KLRG2: variants seen among roughly 807,000 people sequenced by gnomAD.
KLRG2 encodes killer cell lectin like receptor G2, also known as killer cell lectin-like receptor subfamily G member 2.
In KLRG2, 39 loss-of-function variants were observed where a neutral mutation model predicts 35.4. The observed-to-expected ratio is 1.10, with a 90% confidence interval of 0.85 to 1.44. The LOEUF is 1.44. KLRG2 is among the 40% of genes most tolerant of loss of function. KLRG2 has a pLI of 0.00. For missense variants in KLRG2, 632 were observed against 570.9 expected (o/e 1.11, Z -1.09); for synonymous variants, 283 against 265.8 (o/e 1.06, Z -0.63).
chr7:139,429,567 T>C, the KLRG2 span, among the ~76,000 whole-genome samples: 2 of 151,520 alleles, frequency 1.3e-5, no homozygotes, highest in South Asian at 2.1e-4. Context: ...TAGGGAGTGG[T>C]GATGACTCTT....
At position 139,453,362 on chromosome 7, in the gene KLRG2, C is replaced by T. The variant is rs1044528619; in HGVS notation, c.*225G>A. 46 of 545,520 alleles carry T rather than the reference C, an allele frequency of 8.4e-5. No individual in the cohort carries two copies. The highest frequency in any genetic ancestry group is 1.9e-4 in the South Asian group (7 of 37,588). The allele number at this position is 545,520 out of a possible 1,614,324, so 33.8% of individuals were successfully genotyped here. A position where few individuals can be genotyped will look rare whatever the true frequency, so the allele number is the denominator to read the frequency against. On this transcript the variant is annotated 3_prime_UTR_variant, in exon 5 of 5. Transcript: ENST00000340940. ...ACCGATCATCCACAGAAGCTGGAGA[C>T]TAATATTGGCACTCAGGCCTGAGGC...
intron 3 of KLRG2, among the ~76,000 whole-genome samples, chr7:139,460,810 T>C (rs528777546): frequency 6.6e-6 from 1 of 151,738 alleles, no homozygotes; most frequent in Non-Finnish European, 1.5e-5. Flanking sequence ...AATACAAAAA[T>C]TAGCTGCATG....
the KLRG2 span, among the ~76,000 whole-genome samples, chr7:139,429,967 AC>A: frequency 7.3e-5 from 11 of 151,154 alleles, no homozygotes; most frequent in South Asian, 2.1e-4. Flanking sequence ...CGGGGGGCTG[AC>A]CCCCCCCATA....
chr7:139,480,414 A>G lies in KLRG2; in HGVS notation c.758-167T>C, dbSNP rs146071604. On this transcript the variant is annotated intron_variant, in intron 1 of 4. Coordinates refer to ENST00000340940, the MANE Select transcript of KLRG2 (RefSeq NM_198508.4). ...CACAACGTTTAAGTTCCAACTTTAT[A>G]TTCTGGAGAAAGAAGCCAGATATTC... Among the ~76,000 whole-genome samples the G allele has an allele frequency of 3.8e-4, 54 of 140,684 alleles. No homozygotes were observed. The East Asian group carries it at 0.011, about 28-fold the overall frequency. The allele number at this position is 140,684 out of a possible 152,430, so 92.3% of individuals were successfully genotyped here.
intron 3 of KLRG2, 52 bp from the exon 4 acceptor site, chr7:139,454,266 C>G (rs1380760720): frequency 2.2e-6 from 2 of 889,354 alleles, no homozygotes; most frequent in South Asian, 2.9e-5. Flanking sequence ...CGTGGCTTGC[C>G]TGGGGCGTAC....
chr7:139,436,042 C>T, the KLRG2 span, among the ~76,000 whole-genome samples: 7 of 152,036 alleles, frequency 4.6e-5, no homozygotes, highest in Non-Finnish European at 8.8e-5. Flanking sequence ...GCTGGGATTA[C>T]AGGTATGCAC....
At chr7:139,456,650 CCT>C (rs1445717096) in intron 3 of KLRG2, among the ~76,000 whole-genome samples, 6 of 152,290 alleles carry the variant, frequency 3.9e-5, no homozygotes, top group South Asian at 2.1e-4. Context: ...CTGCACCCAG[CCT>C]CTCTTTTTTA....
intron 3 of KLRG2, among the ~76,000 whole-genome samples, chr7:139,466,839 TAA>T (rs780530961): frequency 2.8e-4 from 31 of 111,584 alleles, no homozygotes; most frequent in African/African-American, 3.5e-4. Flanking sequence ...TATGACAACA[TAA>T]AAAAAAAAAA....
the KLRG2 span, among the ~76,000 whole-genome samples, chr7:139,429,970 C>G: frequency 6.6e-6 from 1 of 152,212 alleles, no homozygotes; most frequent in Non-Finnish European, 1.5e-5. Context: ...GGGGCTGACC[C>G]CCCCCATATG....
intron 3 of KLRG2, among the ~76,000 whole-genome samples, chr7:139,473,310 T>C (rs958013647): frequency 1.3e-5 from 2 of 151,616 alleles, no homozygotes; most frequent in African/African-American, 4.9e-5. Context: ...TAAAAATAAA[T>C]AAATAAAAAG....
downstream of KLRG2, among the ~76,000 whole-genome samples, chr7:139,450,587 G>C (rs1796364185): frequency 6.6e-6 from 1 of 152,246 alleles, no homozygotes; most frequent in South Asian, 2.1e-4. Flanking sequence ...TTTTTAAATT[G>C]TTTGATATTT....
At chr7:139,479,493 G>A (rs1325221636) in intron 3 of KLRG2, 134 bp downstream of exon 3, 1 of 889,990 alleles carries the variant, frequency 1.1e-6, no homozygotes, top group Admixed American at 2.3e-5. Context: ...CGAAGTTATG[G>A]TCATGCTACT....
intron 1 of KLRG2, among the ~76,000 whole-genome samples, chr7:139,480,570 T>C (rs1231110963): frequency 1.4e-5 from 2 of 140,086 alleles, no homozygotes; most frequent in Non-Finnish European, 1.5e-5. Flanking sequence ...CTCAACCTCC[T>C]GAGTAGCTGG....
intron 3 of KLRG2, among the ~76,000 whole-genome samples, chr7:139,475,899 G>A (rs574047962): frequency 1.3e-5 from 2 of 151,396 alleles, no homozygotes; most frequent in South Asian, 4.2e-4. Context: ...AACAGCATCA[G>A]AATTGAATTA....
At chr7:139,479,116 T>C (rs1796908452) in intron 3 of KLRG2, among the ~76,000 whole-genome samples, 1 of 152,162 alleles carries the variant, frequency 6.6e-6, no homozygotes, top group South Asian at 2.1e-4. Context: ...GGAGCCTTGC[T>C]CTGTTGCCCA....
the KLRG2 span, among the ~76,000 whole-genome samples, chr7:139,438,115 G>A: frequency 6.6e-6 from 1 of 152,346 alleles, no homozygotes; most frequent in East Asian, 1.9e-4. Context: ...CACGGAACAG[G>A]GCTGCTCCAG....
intron 1 of KLRG2, 109 bp downstream of exon 1, chr7:139,482,777 T>A (rs1796982512): frequency 9.7e-7 from 1 of 1,026,868 alleles, no homozygotes; most frequent in Non-Finnish European, 1.3e-6. Flanking sequence ...GCCAACTGGG[T>A]CCCTTAGTCG....
At chr7:139,473,204 C>G (rs548893043) in intron 3 of KLRG2, among the ~76,000 whole-genome samples, 1 of 152,126 alleles carries the variant, frequency 6.6e-6, no homozygotes, top group Non-Finnish European at 1.5e-5. Context: ...TCACTTGAAC[C>G]TGTGAGGCAG....
chr7:139,435,164 CTT>C, the KLRG2 span, among the ~76,000 whole-genome samples: 2 of 152,124 alleles, frequency 1.3e-5, no homozygotes, highest in African/African-American at 4.8e-5. Flanking sequence ...CTTAAAAAAA[CTT>C]TATTGAGATT....
Sources: gnomAD v4.1 joint callset for allele counts (sites outside exome capture counted in the v4.1 genomes callset) on GRCh38, gnomAD v4.1.1 for gene constraint, MANE v1.5 for transcripts, NCBI Gene and HGNC (gene_info 2026-07-23, HGNC 2026-07-21) for gene names.